Variants in ITK observed in about 807,000 individuals in gnomAD.
The protein encoded by ITK is tyrosine-protein kinase ITK/TSK.
In ITK, 45 loss-of-function variants were observed where a neutral mutation model predicts 87.6. That is an observed-to-expected ratio of 0.51 (90% CI 0.40 to 0.66). The LOEUF is 0.66. ITK is among the 30% of genes least tolerant of loss of function. ITK has a pLI of 0.00. For missense variants in ITK, 605 were observed against 766.3 expected (o/e 0.79, Z 2.48); for synonymous variants, 303 against 273.6 (o/e 1.11, Z -1.06).
At chr5:157,188,851 A>G (rs181319316) in intron 1 of ITK, among the ~76,000 whole-genome samples, 1 of 152,314 alleles carries the variant, frequency 6.6e-6, no homozygotes, top group Non-Finnish European at 1.5e-5. Flanking sequence ...TGTTAGGTTT[A>G]TGGATCTGCT....
At chr5:157,197,762 A>T (rs540374952) in intron 1 of ITK, among the ~76,000 whole-genome samples, 1 of 152,352 alleles carries the variant, frequency 6.6e-6, no homozygotes, top group African/African-American at 2.4e-5. Flanking sequence ...ATTTAACCAT[A>T]CACAGATGGA....
At chr5:157,225,443 T>TA (rs1191428074) in intron 6 of ITK, among the ~76,000 whole-genome samples, 14 of 151,792 alleles carry the variant, frequency 9.2e-5, no homozygotes, top group Admixed American at 8.5e-4. Context: ...ATTGAACTTT[T>TA]AAAAAAAGTC....
chr5:157,181,627 T>C lies in ITK; in HGVS notation c.138+512T>C, dbSNP rs112512316. Among the ~76,000 whole-genome samples the C allele has an allele frequency of 5.6e-3, 857 of 152,350 alleles. 4 individuals carry two copies. The highest frequency in any genetic ancestry group is 7.6e-3 in the Non-Finnish European group (514 of 68,034). ...TCATGAATAACTCTGTTTGTCTCAATACTCGTCGCTAGCCTGATCTTGAAA... is the reference window on the plus strand; with the variant it reads ...TCATGAATAACTCTGTTTGTCTCAACACTCGTCGCTAGCCTGATCTTGAAA... On this transcript the variant is annotated intron_variant, in intron 1 of 16. Coordinates refer to ENST00000422843, the MANE Select transcript of ITK (RefSeq NM_005546.4).
chr5:157,199,675 A>G (rs540526585), intron 1 of ITK: 9 of 152,348 alleles, frequency 5.9e-5, no homozygotes, highest in African/African-American at 2.2e-4. Flanking sequence ...TCTTCTACGT[A>G]TTAAGAGGGT....
intron 1 of ITK, among the ~76,000 whole-genome samples, chr5:157,194,200 C>T (rs539020454): frequency 4.6e-5 from 7 of 152,244 alleles, no homozygotes; most frequent in South Asian, 4.1e-4. Context: ...CTTACCTTCA[C>T]GACTGCGAGC....
Position 157,222,971 on chromosome 5 carries a change from G to C in ITK, c.604G>C (p.Asp202His). ...LRRNEEYCLL[D>H]SSEIHWWRVQ... The stretch of plus-strand genomic sequence containing the variant: ...GCGCAACGAAGAGTACTGCCTGCTG[G>C]ACAGTTCTGAGATTCACTGGTGGAG... The change falls in exon 6 of 17, where the codon GAC (aspartate) becomes CAC (histidine). Residue 202 changes from aspartate to histidine, a missense_variant. Coordinates refer to ENST00000422843, the MANE Select transcript of ITK (RefSeq NM_005546.4). 1 of 1,614,086 alleles carries C rather than the reference G, an allele frequency of 6.2e-7. No homozygotes were observed. The highest frequency in any genetic ancestry group is 8.5e-7 in the Non-Finnish European group (1 of 1,180,024).
At chr5:157,194,779 T>C (rs1250021810) in intron 1 of ITK, among the ~76,000 whole-genome samples, 1 of 152,230 alleles carries the variant, frequency 6.6e-6, no homozygotes, top group African/African-American at 2.4e-5. Flanking sequence ...CCTCCTAGAA[T>C]AAATTTGTTT....
chr5:157,201,563 C>A (rs753590137), intron 1 of ITK, among the ~76,000 whole-genome samples: 1 of 152,042 alleles, frequency 6.6e-6, no homozygotes, highest in Non-Finnish European at 1.5e-5. Context: ...TCCCAAAGTG[C>A]TGGGATTACA....
At chr5:157,248,711 C>A in intron 15 of ITK, 139 bp from the exon 16 acceptor site, 1 of 944,356 alleles carries the variant, frequency 1.1e-6, no homozygotes, top group Non-Finnish European at 1.7e-6. Context: ...GCCTAATAAG[C>A]CTCAGGTAGA....
chr5:157,184,094 G>A (rs574033958), intron 1 of ITK, among the ~76,000 whole-genome samples: 3 of 152,320 alleles, frequency 2.0e-5, no homozygotes, highest in Non-Finnish European at 4.4e-5. Context: ...AGATTTGGCA[G>A]GTGGTAGCTT....
At chr5:157,218,483 C>T (rs1033745911) in intron 5 of ITK, among the ~76,000 whole-genome samples, 5 of 142,094 alleles carry the variant, frequency 3.5e-5, no homozygotes, top group East Asian at 4.8e-4. Flanking sequence ...CACTTCAACC[C>T]GGGTGACAGA....
At position 157,253,944 on chromosome 5, in the gene ITK, TC is replaced by T. The variant is rs1381106492; in HGVS notation, c.*1270del. The T allele has an allele frequency of 4.5e-6, 1 of 221,952 alleles. No homozygotes were observed. The highest frequency in any genetic ancestry group is 5.8e-5 in the Admixed American group (1 of 17,376). The allele number at this position is 221,952 out of a possible 1,614,324, so 13.7% of individuals were successfully genotyped here. Reference sequence around the variant, plus strand: ...AATCTCTGTTCACCCTGGGTTCACATCCCCATGAGGTAATATTATTATTCCC... The same window carrying T: ...AATCTCTGTTCACCCTGGGTTCACATCCCATGAGGTAATATTATTATTCCC... On this transcript the variant is annotated 3_prime_UTR_variant, in exon 17 of 17. Coordinates refer to ENST00000422843, the MANE Select transcript of ITK (RefSeq NM_005546.4).
Position 157,228,005 on chromosome 5 carries a change from G to T in ITK, c.648-291G>T, listed in dbSNP as rs450067. 0.71 allele frequency among the ~76,000 whole-genome samples: 106,366 copies of T among 150,856 alleles called. 37,677 individuals carry two copies. Among genetic ancestry groups the T allele is most frequent in the East Asian group, 0.96 (4,915 of 5,116 alleles). On this transcript the variant is annotated intron_variant, in intron 6 of 16. Coordinates refer to ENST00000422843, the MANE Select transcript of ITK (RefSeq NM_005546.4). Reference sequence around the variant, plus strand: ...ACCACCACACCCGGCTAATTTTTTTGTGTGTGTGTAGTTTTAGTAGAGACA... The same window carrying T: ...ACCACCACACCCGGCTAATTTTTTTTTGTGTGTGTAGTTTTAGTAGAGACA...
intron 15 of ITK, among the ~76,000 whole-genome samples, chr5:157,246,724 G>A (rs920572231): frequency 1.3e-5 from 2 of 152,160 alleles, no homozygotes; most frequent in Non-Finnish European, 2.9e-5. Flanking sequence ...TGAATGATAG[G>A]AGGGAGCTGT....
chr5:157,252,562 C>T (rs183151868), intron 16 of ITK, 45 bp from the exon 17 acceptor site: 181 of 1,424,270 alleles, frequency 1.3e-4, no homozygotes, highest in Admixed American at 3.0e-4. Context: ...TTACCTATGA[C>T]GCATAAGTAC....
intron 1 of ITK, among the ~76,000 whole-genome samples, chr5:157,186,685 A>AGG (rs1198819946): frequency 1.2e-5 from 1 of 82,820 alleles, no homozygotes; most frequent in African/African-American, 4.1e-5. Flanking sequence ...TCAAAAAAAG[A>AGG]GAGAGAGAGA....
chr5:157,185,218 C>T (rs58886695), intron 1 of ITK, among the ~76,000 whole-genome samples: 2,604 of 151,520 alleles, frequency 0.017, 71 homozygotes, highest in African/African-American at 0.061. Flanking sequence ...TTATATAATG[C>T]TGTGCAATTC....
chr5:157,201,779 C>G (rs937296983), intron 1 of ITK, among the ~76,000 whole-genome samples: 3 of 151,356 alleles, frequency 2.0e-5, no homozygotes, highest in South Asian at 4.2e-4. Context: ...CCTAAAAACC[C>G]ACTAGGACTA....
intron 1 of ITK, among the ~76,000 whole-genome samples, chr5:157,184,123 A>G (rs1342024686): frequency 6.6e-6 from 1 of 150,978 alleles, no homozygotes; most frequent in Non-Finnish European, 1.5e-5. Context: ...ACATGATTTC[A>G]GAGGCTCTCC....
Sources: gnomAD v4.1 joint callset for allele counts (sites outside exome capture counted in the v4.1 genomes callset) on GRCh38, gnomAD v4.1.1 for gene constraint, MANE v1.5 for transcripts, NCBI Gene and HGNC (gene_info 2026-07-23, HGNC 2026-07-21) for gene names.